ALK: variants seen among roughly 807,000 people sequenced by gnomAD.
ALK encodes ALK tyrosine kinase receptor.
A neutral mutation model predicts 163.1 loss-of-function variants in ALK; 74 were observed. That is an observed-to-expected ratio of 0.45 (90% CI 0.38 to 0.55). The LOEUF (loss-of-function observed/expected upper bound fraction) is 0.55. Ranked by LOEUF, ALK falls within the 20% of genes least tolerant of loss-of-function variation. ALK has a pLI of 0.00. For missense variants in ALK, 2,063 were observed against 2,105.3 expected, an observed-to-expected ratio of 0.98 and a Z score of 0.39; for synonymous variants, 960 against 843.2, an observed-to-expected ratio of 1.14 and a Z score of -2.40.
intron 4 of ALK, among the ~76,000 whole-genome samples, chr2:29,405,604 C>A (rs1304849199): frequency 6.6e-6 from 1 of 152,174 alleles, no homozygotes; most frequent in Non-Finnish European, 1.5e-5. Flanking sequence ...AATTTGGAAG[C>A]TAGCCCTCCT....
intron 5 of ALK, among the ~76,000 whole-genome samples, chr2:29,359,918 C>G (rs530479695): frequency 6.6e-6 from 1 of 152,344 alleles, no homozygotes; most frequent in African/African-American, 2.4e-5. Context: ...AGAAGAAGAC[C>G]TGACCTGCAT....
At chr2:29,416,030 C>T (rs1310020651) in intron 4 of ALK, among the ~76,000 whole-genome samples, 1 of 152,198 alleles carries the variant, frequency 6.6e-6, no homozygotes, top group Non-Finnish European at 1.5e-5. Context: ...TACATTAAAC[C>T]ACCAGTTTTC....
At position 29,235,964 on chromosome 2, in the gene ALK, G is replaced by A. The variant is rs143728733; in HGVS notation, c.2356-2268C>T. Among the ~76,000 whole-genome samples, 1,312 of 140,840 alleles carry A rather than the reference G, an allele frequency of 9.3e-3. 13 individuals are homozygous for A. Among genetic ancestry groups the A allele is most frequent in the Non-Finnish European group, 0.012 (815 of 66,000 alleles). The allele number at this position is 140,840 out of a possible 152,430, so 92.4% of individuals were successfully genotyped here. A position where few individuals can be genotyped will look rare whatever the true frequency, so the allele number is the denominator to read the frequency against. ...TTTAAGTAGTTCTCTTGCCTCAGCC[G>A]CCTGAGTAGCTGGGAGTACAGGTAC... On this transcript the variant is annotated intron_variant, in intron 13 of 28. Coordinates refer to ENST00000389048, the MANE Select transcript of ALK (RefSeq NM_004304.5).
At chr2:29,616,550 A>G (rs1675852267) in intron 3 of ALK, among the ~76,000 whole-genome samples, 1 of 152,170 alleles carries the variant, frequency 6.6e-6, no homozygotes, top group African/African-American at 2.4e-5. Flanking sequence ...CACAAAGGTT[A>G]AGGGGAAAAG....
rs75641883 is a variant in ALK at position 29,260,239 on chromosome 2, C to T, written c.2042-8972G>A. Reference sequence around the variant, plus strand: ...TTTCTGTTTTTCTTACAATGACTTACGTTATTTTTCATGTCTTGTATTATT... The same window carrying T: ...TTTCTGTTTTTCTTACAATGACTTATGTTATTTTTCATGTCTTGTATTATT... On this transcript the variant is annotated intron_variant, in intron 11 of 28. Transcript: ENST00000389048. Among the ~76,000 whole-genome samples the T allele has an allele frequency of 5.9e-5, 9 of 151,946 alleles. 1 individual carries two copies. The highest frequency in any genetic ancestry group is 1.9e-4 in the African/African-American group (8 of 41,468).
At chr2:29,389,089 T>G (rs1164697603) in intron 4 of ALK, among the ~76,000 whole-genome samples, 1 of 152,258 alleles carries the variant, frequency 6.6e-6, no homozygotes, top group East Asian at 1.9e-4. Context: ...ATTCCATTTC[T>G]CAGATATTTA....
intron 4 of ALK, among the ~76,000 whole-genome samples, chr2:29,471,987 C>T (rs919958957): frequency 6.6e-6 from 1 of 152,216 alleles, no homozygotes; most frequent in African/African-American, 2.4e-5. Flanking sequence ...AGGTGATCCA[C>T]CCACCGTGGC....
intron 1 of ALK, among the ~76,000 whole-genome samples, chr2:29,863,220 T>C (rs532777031): frequency 8.5e-5 from 13 of 152,304 alleles, no homozygotes; most frequent in African/African-American, 3.1e-4. Flanking sequence ...TTTTCTTGGA[T>C]ATAACTTCCA....
At chr2:29,244,822 A>G (rs979998338) in intron 12 of ALK, among the ~76,000 whole-genome samples, 2 of 152,254 alleles carry the variant, frequency 1.3e-5, no homozygotes, top group African/African-American at 2.4e-5. Context: ...CATGCCTGTG[A>G]TATCTCTCCT....
chr2:29,625,224 G>T (rs1277401270), intron 3 of ALK, among the ~76,000 whole-genome samples: 2 of 152,108 alleles, frequency 1.3e-5, no homozygotes, highest in Non-Finnish European at 2.9e-5. Flanking sequence ...TTATTTTATT[G>T]ATCTTACAAA....
intron 4 of ALK, among the ~76,000 whole-genome samples, chr2:29,401,999 A>AG (rs1477007186): frequency 4.6e-5 from 7 of 152,208 alleles, no homozygotes; most frequent in African/African-American, 1.7e-4. Flanking sequence ...GAGCCGGGGC[A>AG]GCTCTGAGGG....
At chr2:29,866,794 T>C (rs1666447163) in intron 1 of ALK, among the ~76,000 whole-genome samples, 1 of 152,200 alleles carries the variant, frequency 6.6e-6, no homozygotes, top group Non-Finnish European at 1.5e-5. Context: ...ATGAGCCACA[T>C]GGAGCACAAG....
chr2:29,203,979 A>C (rs567863521), intron 26 of ALK, among the ~76,000 whole-genome samples: 1 of 152,056 alleles, frequency 6.6e-6, no homozygotes, highest in Non-Finnish European at 1.5e-5. Flanking sequence ...AATTTTTTAA[A>C]TAAAAAATTA....
intron 3 of ALK, among the ~76,000 whole-genome samples, chr2:29,629,839 A>T (rs1676306498): frequency 6.6e-6 from 1 of 152,168 alleles, no homozygotes. Flanking sequence ...TAGATCTTTG[A>T]GGATTTGAAT....
At chr2:29,750,292 T>G (rs1680320924) in intron 1 of ALK, among the ~76,000 whole-genome samples, 1 of 152,220 alleles carries the variant, frequency 6.6e-6, no homozygotes. Context: ...CAGGCCACAG[T>G]ACAGCATGTT....
At chr2:29,707,824 C>T (rs560132946) in intron 2 of ALK, among the ~76,000 whole-genome samples, 6 of 152,270 alleles carry the variant, frequency 3.9e-5, no homozygotes, top group East Asian at 1.9e-4. Flanking sequence ...TCAGATCTGT[C>T]GTCATGTCCT....
At chr2:29,222,316 G>A (rs2148168409) in intron 22 of ALK, 28 bp downstream of exon 22, 1 of 1,609,978 alleles carries the variant, frequency 6.2e-7, no homozygotes, top group Non-Finnish European at 8.5e-7. Context: ...AGGGGAGTTG[G>A]GGTGAGGGTG....
At chr2:29,402,888 C>A (rs10188439) in intron 4 of ALK, among the ~76,000 whole-genome samples, 2 of 152,034 alleles carry the variant, frequency 1.3e-5, no homozygotes, top group South Asian at 2.1e-4. Context: ...CTCCCTACCC[C>A]CTCTTTGTTA....
chr2:29,675,297 T>C (rs913507166), intron 3 of ALK, among the ~76,000 whole-genome samples: 2 of 152,220 alleles, frequency 1.3e-5, no homozygotes, highest in Non-Finnish European at 2.9e-5. Flanking sequence ...ATTTGGCCAG[T>C]TCACTGTTGA....
Sources: gnomAD v4.1 joint callset for allele counts (sites outside exome capture counted in the v4.1 genomes callset) on GRCh38, gnomAD v4.1.1 for gene constraint, MANE v1.5 for transcripts, NCBI Gene and HGNC (gene_info 2026-07-23, HGNC 2026-07-21) for gene names.